ZBTB42: variants seen among roughly 807,000 people sequenced by gnomAD.
ZBTB42 encodes zinc finger and BTB domain containing 42, also known as zinc finger and BTB domain-containing protein 42.
A neutral mutation model predicts 4.7 loss-of-function variants in ZBTB42; 3 were observed. That is an observed-to-expected ratio of 0.64 (90% CI 0.29 to 1.66). The LOEUF is 1.66. ZBTB42 is among the 40% of genes most tolerant of loss of function. The pLI, the probability that ZBTB42 is intolerant of heterozygous loss-of-function variation, is 0.10. For synonymous variants in ZBTB42, 255 were observed against 259.5 expected, an observed-to-expected ratio of 0.98 and a Z score of 0.17; for missense variants, 521 against 577.1, an observed-to-expected ratio of 0.90 and a Z score of 1.00.
Position 104,802,361 on chromosome 14 carries a change from G to T in ZBTB42, c.1164G>T (p.Lys388Asn), listed in dbSNP as rs1218212674. The change falls in exon 1 of 1, where the codon AAG (lysine) becomes AAT (asparagine). Residue 388 changes from lysine to asparagine, a missense_variant. Transcript: ENST00000342537. This position sits in a 1 kb window ranked among gnomAD's most constrained non-coding sequence, Gnocchi z 5.9. ...ACACCGTAGTGCACACTCGAGAGAA[G>T]CCGCATGCCTGCCGGTGGTGTGAGC... ...SRHTVVHTREKPHACRWCERR... is the reference protein window; with the variant it reads ...SRHTVVHTRENPHACRWCERR... 1.3e-6 allele frequency: 2 copies of T among 1,550,526 alleles called. No individual in the cohort carries two copies. The highest frequency in any genetic ancestry group is 1.7e-6 in the Non-Finnish European group (2 of 1,147,010).
At position 104,802,471 on chromosome 14, in the gene ZBTB42, T is replaced by C; in HGVS notation, c.*5T>C. The C allele has an allele frequency of 6.5e-7, 1 of 1,545,210 alleles. No homozygotes were observed. Among genetic ancestry groups the C allele is most frequent in the Non-Finnish European group, 8.7e-7 (1 of 1,143,376 alleles). ...GTCAAGTCCCTTCTGGTGTGATGCATCCCTGTGGGTCCTGAGGGTGGGGTG... is the reference window on the plus strand; with the variant it reads ...GTCAAGTCCCTTCTGGTGTGATGCACCCCTGTGGGTCCTGAGGGTGGGGTG... On this transcript the variant is annotated 3_prime_UTR_variant, in exon 1 of 1. Transcript: ENST00000342537. The surrounding 1 kb of genome is among the most constrained non-coding windows in gnomAD (Gnocchi z 5.9).
chr14:104,802,351 C>G lies in ZBTB42; in HGVS notation c.1154C>G (p.Thr385Ser), dbSNP rs1289748893. 6.4e-7 allele frequency: 1 copy of G among 1,550,508 alleles called. No individual in the cohort carries two copies. Among genetic ancestry groups the G allele is most frequent in the Non-Finnish European group, 8.7e-7 (1 of 1,147,004 alleles). Residue 385 changes from threonine (T) to serine (S), a missense_variant, in exon 1 of 1, where the codon ACT becomes AGT. Physicochemically the swap from Thr to Ser is moderately conservative, Grantham distance 58. Transcript: ENST00000342537. This position sits in a 1 kb window ranked among gnomAD's most constrained non-coding sequence, Gnocchi z 5.9. ...CTGAGCCGGCACACCGTAGTGCACA[C>G]TCGAGAGAAGCCGCATGCCTGCCGG... ...HNLSRHTVVH[T>S]REKPHACRWC...
In ZBTB42 at chr14:104,802,118, C is replaced by T. The variant is rs1894059932; in HGVS notation, c.921C>T (p.His307=). ...PLCSKLFPSS[H]VLQLHLSAHF... is the part of the protein sequence containing the mutation. Reference sequence around the variant, plus strand: ...GCAGCAAGCTGTTTCCCAGCTCCCACGTGCTGCAGCTGCACCTCAGTGCCC... The same window carrying T: ...GCAGCAAGCTGTTTCCCAGCTCCCATGTGCTGCAGCTGCACCTCAGTGCCC... Residue 307 remains histidine, a synonymous_variant, in exon 1 of 1, where the codon CAC becomes CAT. Transcript: ENST00000342537. This position sits in a 1 kb window ranked among gnomAD's most constrained non-coding sequence, Gnocchi z 5.9. 3.3e-6 allele frequency: 5 copies of T among 1,531,872 alleles called. No homozygotes were observed. Among genetic ancestry groups the T allele is most frequent in the Non-Finnish European group, 2.6e-6 (3 of 1,139,014 alleles). The allele number at this position is 1,531,872 out of a possible 1,614,324, so 94.9% of individuals were successfully genotyped here. A position where few individuals can be genotyped will look rare whatever the true frequency, so the allele number is the denominator to read the frequency against.
Position 104,801,933 on chromosome 14 carries a change from C to T in ZBTB42, c.736C>T (p.Pro246Ser). ...CAGCTCTAGGAGCCCCCACAGTCCCCCGAAGCCACCTCCTGTTCCTGCAGC... is the reference window on the plus strand; with the variant it reads ...CAGCTCTAGGAGCCCCCACAGTCCCTCGAAGCCACCTCCTGTTCCTGCAGC... Reference protein sequence around the residue: ...SSSSRSPHSPPKPPPVPAAKG... With the variant: ...SSSSRSPHSPSKPPPVPAAKG... The change falls in exon 1 of 1, where the codon CCG (proline) becomes TCG (serine). Residue 246 changes from proline to serine, a missense_variant. Pro to Ser is a moderately conservative substitution (Grantham distance 74). Transcript: ENST00000342537. The surrounding 1 kb of genome is among the most constrained non-coding windows in gnomAD (Gnocchi z 4.4). 2.6e-6 allele frequency: 4 copies of T among 1,535,842 alleles called. No individual in the cohort carries two copies. Among genetic ancestry groups the T allele is most frequent in the Non-Finnish European group, 3.5e-6 (4 of 1,142,234 alleles).
chr14:104,801,386 G>C lies in ZBTB42; in HGVS notation c.189G>C (p.Thr63=), dbSNP rs1243405143. 3.9e-6 allele frequency: 6 copies of C among 1,546,792 alleles called. No individual in the cohort carries two copies. The South Asian group carries it at 7.2e-5, about 18-fold the overall frequency. ...ACCGGCCCGCGGGCAGTCGCGACAC[G>C]GTGCGGCTCAACGGCGACATCGTCA... ...YRDRPAGSRD[T]VRLNGDIVTA... is the part of the protein sequence containing the mutation. Residue 63 remains threonine (T), a synonymous_variant, in exon 1 of 1, where the codon ACG becomes ACC. Coordinates refer to ENST00000342537, the MANE Select transcript of ZBTB42 (RefSeq NM_001137601.3). This position sits in a 1 kb window ranked among gnomAD's most constrained non-coding sequence, Gnocchi z 4.4.
In ZBTB42 at chr14:104,801,809, G is replaced by C. The variant is rs919546624; in HGVS notation, c.612G>C (p.Pro204=). 1 of 1,549,938 alleles carries C rather than the reference G, an allele frequency of 6.5e-7. No individual in the cohort carries two copies. The highest frequency in any genetic ancestry group is 8.7e-7 in the Non-Finnish European group (1 of 1,146,824). The change falls in exon 1 of 1, where the codon CCG becomes CCC. Residue 204 remains proline (P), a synonymous_variant. Transcript: ENST00000342537. The surrounding 1 kb of genome is among the most constrained non-coding windows in gnomAD (Gnocchi z 4.4). ...SGPRQERVHP[P]CVLQTPLCSQ... is the part of the protein sequence containing the mutation. Reference sequence around the variant, plus strand: ...CAAGGCAGGAGCGGGTCCACCCACCGTGCGTCCTCCAGACACCCCTCTGCA... The same window carrying C: ...CAAGGCAGGAGCGGGTCCACCCACCCTGCGTCCTCCAGACACCCCTCTGCA...
At chr14:104,801,099 C>A, upstream of ZBTB42, 9 of 1,364,670 alleles carry the variant, frequency 6.6e-6, no homozygotes, top group Non-Finnish European at 8.5e-6. The surrounding 1 kb of genome is among the most constrained non-coding windows in gnomAD (Gnocchi z 4.4). Flanking sequence ...TCCCGCGCCG[C>A]TCTTTCCGCG....
Position 104,802,385 on chromosome 14 carries a change from G to C in ZBTB42, c.1188G>C (p.Glu396Asp). ...AGCCGCATGCCTGCCGGTGGTGTGA[G>C]CGCCGTTTCACGCAGTCCGGGGACC... ...REKPHACRWC[E>D]RRFTQSGDLY... The change falls in exon 1 of 1, where the codon GAG becomes GAC. Residue 396 changes from glutamate to aspartate, a missense_variant. Coordinates refer to ENST00000342537, the MANE Select transcript of ZBTB42 (RefSeq NM_001137601.3). This position sits in a 1 kb window ranked among gnomAD's most constrained non-coding sequence, Gnocchi z 5.9. The C allele has an allele frequency of 1.3e-6, 2 of 1,550,848 alleles. No homozygotes were observed.
Position 104,801,930 on chromosome 14 carries a change from C to T in ZBTB42, c.733C>T (p.Pro245Ser). 1.3e-6 allele frequency: 2 copies of T among 1,536,230 alleles called. No homozygotes were observed. Among genetic ancestry groups the T allele is most frequent in the Non-Finnish European group, 1.8e-6 (2 of 1,142,342 alleles). The part of the protein sequence containing the change: ...ESSSSRSPHS[P>S]PKPPPVPAAK... ...CAGCAGCTCTAGGAGCCCCCACAGTCCCCCGAAGCCACCTCCTGTTCCTGC... is the reference window on the plus strand; with the variant it reads ...CAGCAGCTCTAGGAGCCCCCACAGTTCCCCGAAGCCACCTCCTGTTCCTGC... Residue 245 changes from proline to serine, a missense_variant, in exon 1 of 1, where the codon CCC becomes TCC. Coordinates refer to ENST00000342537, the MANE Select transcript of ZBTB42 (RefSeq NM_001137601.3). This position sits in a 1 kb window ranked among gnomAD's most constrained non-coding sequence, Gnocchi z 4.4.
Position 104,801,158 on chromosome 14 carries a change from A to T in ZBTB42, c.-40A>T, listed in dbSNP as rs1036053223. 1.4e-6 allele frequency: 2 copies of T among 1,381,722 alleles called. No homozygotes were observed. Among genetic ancestry groups the T allele is most frequent in the African/African-American group, 3.1e-5 (2 of 65,150 alleles). The allele number at this position is 1,381,722 out of a possible 1,614,324, so 85.6% of individuals were successfully genotyped here. A position where few individuals can be genotyped will look rare whatever the true frequency, so the allele number is the denominator to read the frequency against. On this transcript the variant is annotated 5_prime_UTR_variant, in exon 1 of 1. Transcript: ENST00000342537. This position sits in a 1 kb window ranked among gnomAD's most constrained non-coding sequence, Gnocchi z 4.4. The stretch of plus-strand genomic sequence containing the variant: ...TTCGTGGGCGCCTCCAGGCGCGCTG[A>T]CGGGCGTCCCGTTTGTGCCCAGGTG...
upstream of ZBTB42, chr14:104,800,728 C>G (rs937061296): frequency 6.9e-6 from 1 of 145,926 alleles, no homozygotes; most frequent in African/African-American, 2.5e-5. The surrounding 1 kb of genome is among the most constrained non-coding windows in gnomAD (Gnocchi z 5.3). Flanking sequence ...GCTCCCGGCT[C>G]TGCCCGCCCC....
In ZBTB42 at chr14:104,802,076, C is replaced by T. The variant is rs145420561; in HGVS notation, c.879C>T (p.Leu293=). The part of the protein sequence containing the change: ...SEDELGPGGP[L]CICPLCSKLF... ...ACGAGCTGGGGCCTGGTGGGCCCCT[C>T]TGCATCTGCCCGTTGTGCAGCAAGC... Residue 293 remains leucine (L), a synonymous_variant, in exon 1 of 1, where the codon CTC becomes CTT. Coordinates refer to ENST00000342537, the MANE Select transcript of ZBTB42 (RefSeq NM_001137601.3). The surrounding 1 kb of genome is among the most constrained non-coding windows in gnomAD (Gnocchi z 5.9). 1.3e-6 allele frequency: 2 copies of T among 1,509,416 alleles called. No individual in the cohort carries two copies. The highest frequency in any genetic ancestry group is 1.8e-6 in the Non-Finnish European group (2 of 1,128,924). 93.5% of individuals were successfully genotyped at this position (1,509,416 alleles called of 1,614,324 possible).
Position 104,801,477 on chromosome 14 carries a change from C to A in ZBTB42, c.280C>A (p.Pro94Thr). The change falls in exon 1 of 1, where the codon CCT becomes ACT. Residue 94 changes from proline (P) to threonine (T), a missense_variant. Physicochemically the swap from Pro to Thr is conservative, Grantham distance 38. Coordinates refer to ENST00000342537, the MANE Select transcript of ZBTB42 (RefSeq NM_001137601.3). This position sits in a 1 kb window ranked among gnomAD's most constrained non-coding sequence, Gnocchi z 4.4. ...YEGRLDLRSL[P>T]VEDVLAAASY... is the part of the protein sequence containing the mutation. Reference sequence around the variant, plus strand: ...GGGCCGCCTGGACCTGCGCAGCCTGCCTGTGGAGGACGTCCTGGCAGCCGC... The same window carrying A: ...GGGCCGCCTGGACCTGCGCAGCCTGACTGTGGAGGACGTCCTGGCAGCCGC... 6.5e-7 allele frequency: 1 copy of A among 1,550,192 alleles called. No individual in the cohort carries two copies. The highest frequency in any genetic ancestry group is 8.7e-7 in the Non-Finnish European group (1 of 1,146,904).
chr14:104,801,813 G>T lies in ZBTB42; in HGVS notation c.616G>T (p.Val206Phe). ...GCAGGAGCGGGTCCACCCACCGTGC[G>T]TCCTCCAGACACCCCTCTGCAGCCA... ...PRQERVHPPCVLQTPLCSQRQ... is the reference protein window; with the variant it reads ...PRQERVHPPCFLQTPLCSQRQ... The change falls in exon 1 of 1, where the codon GTC becomes TTC. Residue 206 changes from valine to phenylalanine, a missense_variant. Physicochemically the swap from Val to Phe is conservative, Grantham distance 50. Transcript: ENST00000342537. This position sits in a 1 kb window ranked among gnomAD's most constrained non-coding sequence, Gnocchi z 4.4. 6.5e-7 allele frequency: 1 copy of T among 1,550,058 alleles called. No homozygotes were observed. Among genetic ancestry groups the T allele is most frequent in the Non-Finnish European group, 8.7e-7 (1 of 1,146,828 alleles).
chr14:104,800,743 G>C (rs1036829709), upstream of ZBTB42: 1 of 146,788 alleles, frequency 6.8e-6, no homozygotes, highest in Non-Finnish European at 1.5e-5. This position sits in a 1 kb window ranked among gnomAD's most constrained non-coding sequence, Gnocchi z 5.3. Flanking sequence ...CGCCCCGCCC[G>C]CCCGCCGGCC....
Position 104,802,626 on chromosome 14 carries a change from T to C in ZBTB42, c.*160T>C. The C allele has an allele frequency of 8.7e-7, 1 of 1,153,372 alleles. No homozygotes were observed. Among genetic ancestry groups the C allele is most frequent in the Non-Finnish European group, 1.2e-6 (1 of 829,666 alleles). 71.4% of individuals were successfully genotyped at this position (1,153,372 alleles called of 1,614,324 possible). A position where few individuals can be genotyped will look rare whatever the true frequency, so the allele number is the denominator to read the frequency against. On this transcript the variant is annotated 3_prime_UTR_variant, in exon 1 of 1. Coordinates refer to ENST00000342537, the MANE Select transcript of ZBTB42 (RefSeq NM_001137601.3). This position sits in a 1 kb window ranked among gnomAD's most constrained non-coding sequence, Gnocchi z 5.9. Reference sequence around the variant, plus strand: ...GAGAATGCTGCCTCTTCCTGGAACTTGGCCTCAGACTCGGTAACTTGGGCA... The same window carrying C: ...GAGAATGCTGCCTCTTCCTGGAACTCGGCCTCAGACTCGGTAACTTGGGCA...
rs1211695909 is a variant in ZBTB42 at position 104,803,846 on chromosome 14, A to G, written c.*1380A>G. ...TGTGACTGGGAATGGCCTTGACAAC[A>G]GAGTCCAGCCAAGTCTACGTTATTT... is the stretch of plus-strand genomic sequence containing the variant. On this transcript the variant is annotated 3_prime_UTR_variant, in exon 1 of 1. Coordinates refer to ENST00000342537, the MANE Select transcript of ZBTB42 (RefSeq NM_001137601.3). 6.0e-6 allele frequency: 1 copy of G among 166,824 alleles called. No homozygotes were observed. Among genetic ancestry groups the G allele is most frequent in the African/African-American group, 2.4e-5 (1 of 41,440 alleles). 10.3% of individuals were successfully genotyped at this position (166,824 alleles called of 1,614,324 possible). A position where few individuals can be genotyped will look rare whatever the true frequency, so the allele number is the denominator to read the frequency against.
At position 104,802,589 on chromosome 14, in the gene ZBTB42, C is replaced by A. The variant is rs1025855199; in HGVS notation, c.*123C>A. 1 of 1,376,260 alleles carries A rather than the reference C, an allele frequency of 7.3e-7. No individual in the cohort carries two copies. Among genetic ancestry groups the A allele is most frequent in the African/African-American group, 1.5e-5 (1 of 68,346 alleles). The allele number at this position is 1,376,260 out of a possible 1,614,324, so 85.3% of individuals were successfully genotyped here. A position where few individuals can be genotyped will look rare whatever the true frequency, so the allele number is the denominator to read the frequency against. ...CCCTGCTTGGGCCAGATGGCTCCAC[C>A]CTCCTGGCAGAGAGAATGCTGCCTC... On this transcript the variant is annotated 3_prime_UTR_variant, in exon 1 of 1. Coordinates refer to ENST00000342537, the MANE Select transcript of ZBTB42 (RefSeq NM_001137601.3). This position sits in a 1 kb window ranked among gnomAD's most constrained non-coding sequence, Gnocchi z 5.9.
At position 104,801,269 on chromosome 14, in the gene ZBTB42, C is replaced by T; in HGVS notation, c.72C>T (p.Cys24=). 1 of 1,533,246 alleles carries T rather than the reference C, an allele frequency of 6.5e-7. No individual in the cohort carries two copies. The highest frequency in any genetic ancestry group is 1.4e-5 in the African/African-American group (1 of 72,806). The allele number at this position is 1,533,246 out of a possible 1,614,324, so 95.0% of individuals were successfully genotyped here. A position where few individuals can be genotyped will look rare whatever the true frequency, so the allele number is the denominator to read the frequency against. The stretch of plus-strand genomic sequence containing the variant: ...AGCAGCGCGAGCTGGGCTTCCTATG[C>T]GACTGCACCGTGCTGGTGGGCGACG... The part of the protein sequence containing the change: ...LRQQRELGFL[C]DCTVLVGDAR... The change falls in exon 1 of 1, where the codon TGC becomes TGT. Residue 24 remains cysteine, a synonymous_variant. Coordinates refer to ENST00000342537, the MANE Select transcript of ZBTB42 (RefSeq NM_001137601.3). The surrounding 1 kb of genome is among the most constrained non-coding windows in gnomAD (Gnocchi z 4.4).
Sources: gnomAD v4.1 joint callset for allele counts on GRCh38, gnomAD v4.1.1 for gene constraint, Gnocchi (gnomAD v3.1) non-coding constraint, MANE v1.5 for transcripts, NCBI Gene and HGNC (gene_info 2026-07-23, HGNC 2026-07-21) for gene names.